Variants in ASL observed in about 807,000 individuals in gnomAD.
ASL encodes argininosuccinase.
In ASL, 51 loss-of-function variants were observed where a neutral mutation model predicts 69.1. The observed-to-expected ratio is 0.74, with a 90% CI of 0.59 to 0.93. The LOEUF (loss-of-function observed/expected upper bound fraction) is 0.93, where lower values mean the gene tolerates loss of function less well. ASL is among the 40% of genes least tolerant of loss of function. The pLI is 0.00. For synonymous variants in ASL, 241 were observed against 247.6 expected, an observed-to-expected ratio of 0.97 and a Z score of 0.25; for missense variants, 540 against 623.9, an observed-to-expected ratio of 0.87 and a Z score of 1.43.
intron 2 of ASL, among the ~76,000 whole-genome samples, chr7:66,080,171 A>C (rs927665538): frequency 6.6e-6 from 1 of 151,776 alleles, no homozygotes; most frequent in Non-Finnish European, 1.5e-5. Flanking sequence ...TCACGAGGTC[A>C]GATTAAGACC....
intron 6 of ASL, among the ~76,000 whole-genome samples, chr7:66,085,911 A>T (rs1424532127): frequency 6.6e-6 from 1 of 152,182 alleles, no homozygotes; most frequent in East Asian, 1.9e-4. Flanking sequence ...CCTGGCCACA[A>T]GACCCCATCT....
rs1020503985 is a variant in ASL, at chr7:66,093,027, T to G, written c.*115T>G. 1 of 1,502,162 alleles carries G rather than the reference T, an allele frequency of 6.7e-7. No individual in the cohort carries two copies. Among genetic ancestry groups the G allele is most frequent in the Non-Finnish European group, 8.9e-7 (1 of 1,119,174 alleles). The allele number at this position is 1,502,162 out of a possible 1,614,324, so 93.1% of individuals were successfully genotyped here. On this transcript the variant is annotated 3_prime_UTR_variant, in exon 17 of 17. Transcript: ENST00000304874. ...TTTCGGGGCTGGCCAGTGGGGACAG[T>G]CAGGGACTGGAGAGGCAGGGCAGGG...
intron 2 of ASL, among the ~76,000 whole-genome samples, chr7:66,078,906 T>A (rs1408305038): frequency 2.0e-5 from 3 of 150,872 alleles, no homozygotes; most frequent in Non-Finnish European, 4.4e-5. Context: ...ACCCTGAGGG[T>A]TTTTGTTTTT....
Position 66,087,387 on chromosome 7 carries a change from G to C in ASL, c.655+1G>C. 1 of 1,607,064 alleles carries C rather than the reference G, an allele frequency of 6.2e-7. No individual in the cohort carries two copies. The highest frequency in any genetic ancestry group is 8.5e-7 in the Non-Finnish European group (1 of 1,179,908). ...GTGGACCGAGAGCTGCTCCGAGCAGGTGAGACGTCCTGCCCCTCCTCCCCA... is the reference window on the plus strand; with the variant it reads ...GTGGACCGAGAGCTGCTCCGAGCAGCTGAGACGTCCTGCCCCTCCTCCCCA... On this transcript the variant is annotated splice_donor_variant, in intron 9 of 16. Coordinates refer to ENST00000304874, the MANE Select transcript of ASL (RefSeq NM_000048.4). LOFTEE classifies it high-confidence loss of function.
chr7:66,076,574 G>A (rs1317347245), intron 2 of ASL, among the ~76,000 whole-genome samples: 1 of 152,174 alleles, frequency 6.6e-6, no homozygotes. Context: ...AGGAAAAAGG[G>A]GACGTCGCCT....
chr7:66,076,859 A>G (rs567056077), intron 2 of ASL, among the ~76,000 whole-genome samples: 1 of 152,260 alleles, frequency 6.6e-6, no homozygotes, highest in South Asian at 2.1e-4. Context: ...GAACTCCGGG[A>G]AGCAGGAGGT....
chr7:66,089,438 G>A (rs1311997447), intron 13 of ASL, 103 bp downstream of exon 13: 3 of 1,485,920 alleles, frequency 2.0e-6, no homozygotes, highest in Non-Finnish European at 2.8e-6. Flanking sequence ...CTCCCATCCT[G>A]TGCACACAGC....
intron 10 of ASL, 71 bp from the exon 11 acceptor site, chr7:66,088,736 C>T (rs1554327546): frequency 7.3e-7 from 1 of 1,362,202 alleles, no homozygotes; most frequent in Non-Finnish European, 1.0e-6. Context: ...GCCTAACCTC[C>T]TCCTGCCCCC....
chr7:66,085,996 G>A (rs1263610573), intron 6 of ASL, among the ~76,000 whole-genome samples: 1 of 152,276 alleles, frequency 6.6e-6, no homozygotes, highest in African/African-American at 2.4e-5. Context: ...GCTGAGACAG[G>A]AGGATCGCTT....
chr7:66,089,614 G>A lies in ASL; in HGVS notation c.981G>A (p.Glu327=), dbSNP rs770579327. 1.2e-6 allele frequency: 2 copies of A among 1,613,624 alleles called. No homozygotes were observed. The highest frequency in any genetic ancestry group is 2.7e-5 in the African/African-American group (2 of 74,912). The part of the protein sequence containing the change: ...LPSTYNKDLQ[E]DKEAVFEVSD... ...ACCTCCTGCCATGTGCCTCCCAGGA[G>A]GACAAGGAAGCTGTGTTTGAAGTGT... The change falls in exon 14 of 17, where the codon GAG becomes GAA. Residue 327 remains glutamate (E), a splice_region_variant and synonymous_variant. Transcript: ENST00000304874.
intron 15 of ASL, 147 bp from the exon 16 acceptor site, chr7:66,092,410 C>T (rs529251238): frequency 1.2e-5 from 9 of 762,852 alleles, no homozygotes; most frequent in South Asian, 3.3e-5. Flanking sequence ...GAGGTGAGAT[C>T]GCGCCACTGC....
Position 66,076,038 on chromosome 7 carries a change from G to T in ASL, c.-43-1G>T, listed in dbSNP as rs762118548. ...GTCGTCAGTCCGGTCTTGTCTTCCA[G>T]ACCCGGAGGACCGAAGCTTCCGGAC... On this transcript the variant is annotated splice_acceptor_variant, in intron 1 of 16. Transcript: ENST00000304874. LOFTEE classifies it low-confidence loss of function (5UTR_SPLICE). 1.3e-6 allele frequency: 2 copies of T among 1,585,532 alleles called. No homozygotes were observed. The highest frequency in any genetic ancestry group is 2.3e-5 in the South Asian group (2 of 86,748).
In ASL at chr7:66,092,952, G is replaced by A; in HGVS notation, c.*40G>A. On this transcript the variant is annotated 3_prime_UTR_variant, in exon 17 of 17. Coordinates refer to ENST00000304874, the MANE Select transcript of ASL (RefSeq NM_000048.4). ...GCCCCCTAATAAAGTGGGCGCGAGA[G>A]GAGGCTGCTGTGTGTTTCCTGCCCC... The A allele has an allele frequency of 4.5e-6, 7 of 1,572,892 alleles. No homozygotes were observed. Among genetic ancestry groups the A allele is most frequent in the Non-Finnish European group, 5.1e-6 (6 of 1,167,302 alleles).
intron 1 of ASL, 33 bp from the exon 2 acceptor site, chr7:66,076,006 C>CA: frequency 6.4e-7 from 1 of 1,551,448 alleles, no homozygotes; most frequent in Non-Finnish European, 8.7e-7. Flanking sequence ...CCCTGCTGGC[C>CA]AAGGAGGTCG....
At chr7:66,083,606 C>T (rs1381599776) in intron 6 of ASL, among the ~76,000 whole-genome samples, 1 of 151,954 alleles carries the variant, frequency 6.6e-6, no homozygotes, top group African/African-American at 2.4e-5. Context: ...ACTGCTTGAA[C>T]CCGGGAGGAG....
chr7:66,092,857 G>T lies in ASL; in HGVS notation c.1340G>T (p.Ser447Ile). 1 of 1,612,828 alleles carries T rather than the reference G, an allele frequency of 6.2e-7. No homozygotes were observed. Among genetic ancestry groups the T allele is most frequent in the Non-Finnish European group, 8.5e-7 (1 of 1,179,968 alleles). The change falls in exon 17 of 17, where the codon AGC becomes ATC. Residue 447 changes from serine (S) to isoleucine (I), a missense_variant. By Grantham distance (142) the Ser-to-Ile change is moderately radical (BLOSUM62 -2). Transcript: ENST00000304874. ...YGALGGTARSSVDWQIRQVRA... is the reference protein window; with the variant it reads ...YGALGGTARSIVDWQIRQVRA... ...GCCCTGGGCGGCACTGCGCGCTCCA[G>T]CGTCGACTGGCAGATCCGCCAGGTG...
chr7:66,086,730 CT>C lies in ASL; in HGVS notation c.525-13del, dbSNP rs908752367. The stretch of plus-strand genomic sequence containing the variant: ...CCCGGCTGCCCTGACCCTCCTGCCC[CT>C]GGCTTCCCACAGCCACGCCGTGGCA... On this transcript the variant is annotated splice_polypyrimidine_tract_variant and intron_variant, in intron 7 of 16. Transcript: ENST00000304874. The C allele has an allele frequency of 6.2e-7, 1 of 1,609,208 alleles. No individual in the cohort carries two copies. The highest frequency in any genetic ancestry group is 1.3e-5 in the African/African-American group (1 of 74,872).
rs1338633273 is a variant in ASL, at chr7:66,082,464, G to A, written c.291+13G>A. The A allele has an allele frequency of 1.2e-6, 2 of 1,605,636 alleles. No homozygotes were observed. The highest frequency in any genetic ancestry group is 1.7e-6 in the Non-Finnish European group (2 of 1,177,590). On this transcript the variant is annotated intron_variant, in intron 4 of 16. Transcript: ENST00000304874. ...GCGCCGCCTGAAGGTACGACCCCTG[G>A]AGCCCCACCGCTTTCCTTGCCTCCC...
At chr7:66,085,125 G>A (rs1221937680) in intron 6 of ASL, among the ~76,000 whole-genome samples, 3 of 152,118 alleles carry the variant, frequency 2.0e-5, no homozygotes, top group Non-Finnish European at 4.4e-5. Flanking sequence ...TGGTTGTACA[G>A]TAAAGTGTAA....
Sources: gnomAD v4.1 joint callset for allele counts (sites outside exome capture counted in the v4.1 genomes callset) on GRCh38, gnomAD v4.1.1 for gene constraint, MANE v1.5 for transcripts, NCBI Gene and HGNC (gene_info 2026-07-23, HGNC 2026-07-21) for gene names.